CAST: variants seen among roughly 807,000 people sequenced by gnomAD.
CAST encodes calpastatin, also known as MIR583 host.
A neutral mutation model predicts 119.6 loss-of-function variants in CAST; 76 were observed. The ratio of observed to expected loss-of-function variants is 0.64; its 90% CI spans 0.53 to 0.77. The LOEUF (loss-of-function observed/expected upper bound fraction) is 0.77, where lower values mean the gene tolerates loss of function less well. Ranked by LOEUF, CAST falls within the 30% of genes least tolerant of loss-of-function variation. CAST has a pLI of 0.00. For missense variants in CAST, 953 were observed against 946.5 expected (o/e 1.01, Z -0.09); for synonymous variants, 319 against 331.6 (o/e 0.96, Z 0.41).
rs561146875 is a variant in CAST, at chr5:96,650,256, T to C, written c.61-25283T>C. Reference sequence around the variant, plus strand: ...TGAGGGTCACTTCCAGTTTGAAGCATAGAAGAATAATTAGGACTCTTCACG... The same window carrying C: ...TGAGGGTCACTTCCAGTTTGAAGCACAGAAGAATAATTAGGACTCTTCACG... On this transcript the variant is annotated intron_variant, in intron 1 of 11. Coordinates refer to the CAST transcript ENST00000505143. 6.6e-5 allele frequency among the ~76,000 whole-genome samples: 10 copies of C among 152,326 alleles called. No homozygotes were observed. In the South Asian group the frequency reaches 1.9e-3, roughly 28 times the overall value.
the CAST span, among the ~76,000 whole-genome samples, chr5:96,186,560 G>T: frequency 6.6e-6 from 1 of 152,174 alleles, no homozygotes; most frequent in African/African-American, 2.4e-5. Context: ...AACATGAAGA[G>T]ATGTTGAATT....
intron 1 of CAST, among the ~76,000 whole-genome samples, chr5:96,618,801 G>T (rs532742201): frequency 6.6e-6 from 1 of 152,176 alleles, no homozygotes; most frequent in African/African-American, 2.4e-5. Context: ...CCCCCACCCC[G>T]TGGGCTCCCG....
chr5:96,090,924 C>T, the CAST span, among the ~76,000 whole-genome samples: 24 of 152,116 alleles, frequency 1.6e-4, no homozygotes, highest in Admixed American at 6.5e-4. Context: ...CTGAGTTCTT[C>T]TGAGCTCTAG....
chr5:96,544,161 T>C (rs1216719493), intron 1 of CAST, among the ~76,000 whole-genome samples: 6 of 152,200 alleles, frequency 3.9e-5, no homozygotes, highest in Non-Finnish European at 7.3e-5. Flanking sequence ...AAAACTGATA[T>C]CTTGACAACA....
chr5:96,662,471 G>A lies in CAST; in HGVS notation c.49G>A (p.Ala17Thr). ...CGCCGCCTCCCCGCGGCCCCGGCGA[G>A]CAGCCGCCGCCCGCCGCACCCATGA... ...KPAASPRPRR[A>T]AAARRTHEHV... is the part of the protein sequence containing the mutation. Residue 17 changes from alanine (A) to threonine (T), a missense_variant, in exon 1 of 32, where the codon GCA becomes ACA. Transcript: ENST00000675179. The A allele has an allele frequency of 1.4e-6, 2 of 1,431,300 alleles. No homozygotes were observed. Among genetic ancestry groups the A allele is most frequent in the East Asian group, 3.0e-5 (1 of 32,858 alleles). The allele number at this position is 1,431,300 out of a possible 1,614,324, so 88.7% of individuals were successfully genotyped here.
At chr5:96,593,621 T>C (rs887128481) in intron 1 of CAST, among the ~76,000 whole-genome samples, 2 of 152,190 alleles carry the variant, frequency 1.3e-5, no homozygotes, top group Admixed American at 6.5e-5. Context: ...GTAATGTGCA[T>C]GTAAAATGTA....
chr5:96,205,784 G>T, the CAST span, among the ~76,000 whole-genome samples: 1 of 152,000 alleles, frequency 6.6e-6, no homozygotes, highest in South Asian at 2.1e-4. Context: ...ACATACATGT[G>T]CATATGTCTT....
In CAST at chr5:96,765,949, T is replaced by G. The variant is rs1398525468; in HGVS notation, c.2038-104T>G. 3 of 690,418 alleles carry G rather than the reference T, an allele frequency of 4.3e-6. No individual in the cohort carries two copies. The East Asian group carries it at 7.7e-5, about 18-fold the overall frequency. 42.8% of individuals were successfully genotyped at this position (690,418 alleles called of 1,614,324 possible). Reference sequence around the variant, plus strand: ...AAAAATAAAAACAGACCATATGTTTTGCCTCATGAAAGTACAACAAATGCT... The same window carrying G: ...AAAAATAAAAACAGACCATATGTTTGGCCTCATGAAAGTACAACAAATGCT... On this transcript the variant is annotated intron_variant, in intron 26 of 31. Coordinates refer to ENST00000675179, the MANE Select transcript of CAST (RefSeq NM_001750.7).
At chr5:96,315,595 G>T in the CAST span, among the ~76,000 whole-genome samples, 3 of 152,134 alleles carry the variant, frequency 2.0e-5, no homozygotes, top group Admixed American at 6.5e-5. Flanking sequence ...ACCATTTAAA[G>T]GTCTGTAACT....
chr5:96,769,382 C>A (rs1581439473), intron 29 of CAST: 1 of 146,748 alleles, frequency 6.8e-6, no homozygotes, highest in Non-Finnish European at 1.5e-5. Context: ...ACACTGAAAA[C>A]AGGGTTTTTT....
chr5:96,471,946 T>A, the CAST span, among the ~76,000 whole-genome samples: 1 of 152,204 alleles, frequency 6.6e-6, no homozygotes, highest in Non-Finnish European at 1.5e-5. Context: ...TTTAGAGTTA[T>A]GTACATCTTC....
chr5:96,101,012 T>G, the CAST span, among the ~76,000 whole-genome samples: 1 of 152,118 alleles, frequency 6.6e-6, no homozygotes, highest in East Asian at 1.9e-4. Context: ...AATTTCAAAC[T>G]CCTGGGCTCA....
chr5:96,749,658 C>T (rs566020910), intron 19 of CAST, among the ~76,000 whole-genome samples: 4 of 152,274 alleles, frequency 2.6e-5, no homozygotes, highest in African/African-American at 7.2e-5. Context: ...GCAATTCTCT[C>T]GCCTCAGCCT....
the CAST span, among the ~76,000 whole-genome samples, chr5:96,246,187 C>CTTTTGTTTTTTTTT: frequency 1.3e-5 from 1 of 76,410 alleles, no homozygotes; most frequent in South Asian, 5.3e-4. Flanking sequence ...GTCTGTCTTC[C>CTTTTGTTTTTTTTT]TTTTTTTTTT....
At chr5:96,035,071 A>C in the CAST span, among the ~76,000 whole-genome samples, 1 of 16,502 alleles carries the variant, frequency 6.1e-5, no homozygotes, top group Admixed American at 3.5e-4. Flanking sequence ...ATATTTAAGT[A>C]TATATATATA....
At chr5:96,659,366 A>G (rs1350639176), upstream of CAST, among the ~76,000 whole-genome samples, 3 of 152,228 alleles carry the variant, frequency 2.0e-5, no homozygotes, top group Admixed American at 6.5e-5. Flanking sequence ...AAAATGAGGT[A>G]TGCCTGTATT....
At chr5:96,320,247 T>C in the CAST span, among the ~76,000 whole-genome samples, 1 of 117,358 alleles carries the variant, frequency 8.5e-6, no homozygotes, top group African/African-American at 3.3e-5. Context: ...TTTTTTTTTT[T>C]TTTTTTTGAG....
Position 96,741,548 on chromosome 5 carries a change from C to G in CAST, c.1066C>G (p.Pro356Ala), listed in dbSNP as rs752410089. 3 of 1,613,294 alleles carry G rather than the reference C, an allele frequency of 1.9e-6. No individual in the cohort carries two copies. Among genetic ancestry groups the G allele is most frequent in the Non-Finnish European group, 2.5e-6 (3 of 1,179,412 alleles). The change falls in exon 15 of 32, where the codon CCA becomes GCA. Residue 356 changes from proline (P) to alanine (A), a missense_variant. Pro to Ala is a conservative substitution (Grantham distance 27, BLOSUM62 -1). Transcript: ENST00000675179. ...AGCAGGGACAGTCAGAAGTGCTGCT[C>G]CACCCCAAGAGAAGAAAAGAAAGGT... ...QSAGTVRSAA[P>A]PQEKKRKVEK...
At chr5:96,455,373 C>A in the CAST span, among the ~76,000 whole-genome samples, 1 of 152,176 alleles carries the variant, frequency 6.6e-6, no homozygotes, top group Non-Finnish European at 1.5e-5. Flanking sequence ...AGCAGAGTGA[C>A]CAACAGGTGA....
Sources: allele counts gnomAD v4.1 joint callset (sites outside exome capture counted in the v4.1 genomes callset), GRCh38; gene constraint gnomAD v4.1.1; transcripts MANE v1.5; gene names NCBI Gene and HGNC (gene_info 2026-07-23, HGNC 2026-07-21).